Variants in ZDHHC3 observed in about 807,000 individuals in gnomAD.
The protein encoded by ZDHHC3 is palmitoyltransferase ZDHHC3.
In ZDHHC3, 9 loss-of-function variants were observed where a neutral mutation model predicts 30.6. The ratio of observed to expected loss-of-function variants is 0.29; its 90% confidence interval spans 0.18 to 0.51. ZDHHC3 has a LOEUF of 0.51. ZDHHC3 is among the 20% of genes least tolerant of loss of function. ZDHHC3 has a pLI of 0.97. For missense variants in ZDHHC3, 246 were observed against 384.2 expected (o/e 0.64, Z 3.01); for synonymous variants, 136 against 140.2 (o/e 0.97, Z 0.21).
Position 44,917,824 on chromosome 3 carries a change from C to T in ZDHHC3, c.*8865G>A. ...TGGGAGCGCACCATGCCCATAAGCC[C>T]CTTTAGCCAAAACCCCAGGATGAAG... On this transcript the variant is annotated 3_prime_UTR_variant, in exon 7 of 7. Coordinates refer to ENST00000424952, the MANE Select transcript of ZDHHC3 (RefSeq NM_001135179.2). 1 of 1,268,432 alleles carries T rather than the reference C, an allele frequency of 7.9e-7. No individual in the cohort carries two copies. Among genetic ancestry groups the T allele is most frequent in the Non-Finnish European group, 1.0e-6 (1 of 975,756 alleles). The allele number at this position is 1,268,432 out of a possible 1,614,324, so 78.6% of individuals were successfully genotyped here.
chr3:44,936,307 T>G (rs1412716478), intron 3 of ZDHHC3, among the ~76,000 whole-genome samples: 1 of 152,152 alleles, frequency 6.6e-6, no homozygotes, highest in Non-Finnish European at 1.5e-5. Context: ...CACAATGAGA[T>G]ACTATCTCAC....
intron 3 of ZDHHC3, chr3:44,937,854 G>C: frequency 2.1e-6 from 1 of 470,210 alleles, no homozygotes. Flanking sequence ...GAGGCTTACA[G>C]TGAAAGTGAC....
At chr3:44,934,071 C>T (rs1701731625) in intron 3 of ZDHHC3, 87 bp from the exon 4 acceptor site, 1 of 1,289,428 alleles carries the variant, frequency 7.8e-7, no homozygotes, top group African/African-American at 1.5e-5. Flanking sequence ...GGCTCCTGCT[C>T]CACTCCTCTG....
At chr3:44,975,053 C>T (rs992041747) in intron 1 of ZDHHC3, among the ~76,000 whole-genome samples, 1 of 132,138 alleles carries the variant, frequency 7.6e-6, no homozygotes, top group African/African-American at 2.8e-5. Context: ...TGATAAATAC[C>T]ATTTTTTTTT....
Position 44,918,973 on chromosome 3 carries a change from G to C in ZDHHC3, c.*7716C>G. The C allele has an allele frequency of 1.0e-6, 1 of 985,586 alleles. No individual in the cohort carries two copies. The highest frequency in any genetic ancestry group is 1.2e-6 in the Non-Finnish European group (1 of 830,044). The allele number at this position is 985,586 out of a possible 1,614,324, so 61.1% of individuals were successfully genotyped here. A position where few individuals can be genotyped will look rare whatever the true frequency, so the allele number is the denominator to read the frequency against. On this transcript the variant is annotated 3_prime_UTR_variant, in exon 7 of 7. Transcript: ENST00000424952. ...TTTCTCCATCTCTTCTGGAAGCCAA[G>C]GGAATTTGCTGTGGGTTTGCTGGGC...
intron 1 of ZDHHC3, among the ~76,000 whole-genome samples, 161 bp downstream of exon 1, chr3:44,975,772 T>TCACACACACACA (rs1185484134): frequency 3.4e-5 from 4 of 116,700 alleles, no homozygotes; most frequent in African/African-American, 6.7e-5. Flanking sequence ...TCTCTCTCTC[T>TCACACACACACA]CACACACACA....
In ZDHHC3 at chr3:44,926,344, C is replaced by T. The variant is rs562362892; in HGVS notation, c.*345G>A. 7.9e-6 allele frequency: 8 copies of T among 1,013,396 alleles called. No individual in the cohort carries two copies. In the East Asian group the frequency reaches 2.8e-4, roughly 36 times the overall value. The allele number at this position is 1,013,396 out of a possible 1,614,324, so 62.8% of individuals were successfully genotyped here. A position where few individuals can be genotyped will look rare whatever the true frequency, so the allele number is the denominator to read the frequency against. ...TCCAGACTATTCCATCCACGCACAG[C>T]GTCATGTCTCACTCAGTTAGTAGAA... is the stretch of plus-strand genomic sequence containing the variant. On this transcript the variant is annotated 3_prime_UTR_variant, in exon 7 of 7. Coordinates refer to ENST00000424952, the MANE Select transcript of ZDHHC3 (RefSeq NM_001135179.2).
intron 6 of ZDHHC3, 138 bp downstream of exon 6, chr3:44,929,168 A>G: frequency 8.5e-7 from 1 of 1,181,592 alleles, no homozygotes; most frequent in South Asian, 1.6e-5. Flanking sequence ...TGTAACTGCA[A>G]ACAAAGAACT....
chr3:44,955,771 G>A (rs946570665), intron 2 of ZDHHC3, among the ~76,000 whole-genome samples: 3 of 152,050 alleles, frequency 2.0e-5, no homozygotes, highest in African/African-American at 4.8e-5. Flanking sequence ...AGGAGCTCCC[G>A]CTTCTGCAGC....
intron 5 of ZDHHC3, 55 bp from the exon 6 acceptor site, chr3:44,929,491 A>C: frequency 6.2e-7 from 1 of 1,601,182 alleles, no homozygotes; most frequent in Non-Finnish European, 8.5e-7. Flanking sequence ...CCTGCTGCCC[A>C]GGCTCACTGC....
intron 3 of ZDHHC3, among the ~76,000 whole-genome samples, chr3:44,942,618 G>A (rs1702539770): frequency 1.3e-5 from 2 of 152,200 alleles, no homozygotes; most frequent in Non-Finnish European, 2.9e-5. Context: ...CCCTGTTCTG[G>A]TCCAGCCTTT....
chr3:44,932,563 G>A (rs1253145910), intron 5 of ZDHHC3, among the ~76,000 whole-genome samples: 1 of 152,058 alleles, frequency 6.6e-6, no homozygotes, highest in Non-Finnish European at 1.5e-5. Context: ...TTCTCCCTCA[G>A]TATTTGCACA....
chr3:44,923,506 T>C lies in ZDHHC3; in HGVS notation c.*3183A>G, dbSNP rs1272325755. On this transcript the variant is annotated 3_prime_UTR_variant, in exon 7 of 7. Transcript: ENST00000424952. ...AGCAAAAGCTAATACTTGGGGCTTT[T>C]TCAAGAAGTACAGGGCTGGGCCCAG... The C allele has an allele frequency of 1.0e-6, 1 of 985,306 alleles. No homozygotes were observed. The highest frequency in any genetic ancestry group is 6.1e-5 in the Admixed American group (1 of 16,266). The allele number at this position is 985,306 out of a possible 1,614,324, so 61.0% of individuals were successfully genotyped here. A position where few individuals can be genotyped will look rare whatever the true frequency, so the allele number is the denominator to read the frequency against.
rs532247288 is a variant in ZDHHC3 at position 44,928,572 on chromosome 3, A to C, written c.741+734T>G. The stretch of plus-strand genomic sequence containing the variant: ...AAGTGCCACCCCTTCTTCCTATGTA[A>C]ATCCCCAGAGAAATGCCCATATTGC... On this transcript the variant is annotated intron_variant, in intron 6 of 6. Coordinates refer to ENST00000424952, the MANE Select transcript of ZDHHC3 (RefSeq NM_001135179.2). 5.9e-5 allele frequency among the ~76,000 whole-genome samples: 9 copies of C among 152,218 alleles called. No individual in the cohort carries two copies. The South Asian group carries it at 1.9e-3, about 32-fold the overall frequency.
Position 44,976,086 on chromosome 3 carries a change from C to T in ZDHHC3, c.-178G>A, listed in dbSNP as rs1211341186. ...GGCGCCGCGGCTCTCTGGACTCGGCCAGACACCGGGCGGCGCGCAGGAGAA... is the reference window on the plus strand; with the variant it reads ...GGCGCCGCGGCTCTCTGGACTCGGCTAGACACCGGGCGGCGCGCAGGAGAA... On this transcript the variant is annotated 5_prime_UTR_variant, in exon 1 of 7. The change creates a premature stop within an existing upstream ORF in the 5' untranslated region. Coordinates refer to ENST00000424952, the MANE Select transcript of ZDHHC3 (RefSeq NM_001135179.2). 9.0e-6 allele frequency: 4 copies of T among 443,686 alleles called. No individual in the cohort carries two copies. Among genetic ancestry groups the T allele is most frequent in the Non-Finnish European group, 1.5e-5 (4 of 258,386 alleles). The allele number at this position is 443,686 out of a possible 1,614,324, so 27.5% of individuals were successfully genotyped here.
In ZDHHC3 at chr3:44,923,241, AATTT is replaced by A; in HGVS notation, c.*3444_*3447del. 1.2e-6 allele frequency: 1 copy of A among 850,322 alleles called. No individual in the cohort carries two copies. The highest frequency in any genetic ancestry group is 1.4e-6 in the Non-Finnish European group (1 of 707,248). 52.7% of individuals were successfully genotyped at this position (850,322 alleles called of 1,614,324 possible). On this transcript the variant is annotated 3_prime_UTR_variant, in exon 7 of 7. Transcript: ENST00000424952. ...CAGACGCCTGCCACCACGCCCAGCT[AATTT>A]TTTTATATTTTTAGTAGAGACAGGG... is the stretch of plus-strand genomic sequence containing the variant.
chr3:44,941,394 G>C (rs141139603), intron 3 of ZDHHC3, among the ~76,000 whole-genome samples: 1 of 152,252 alleles, frequency 6.6e-6, no homozygotes, highest in East Asian at 1.9e-4. Flanking sequence ...AGAAACTTAG[G>C]TTCTCCAATC....
At chr3:44,953,657 G>A (rs1256555156) in intron 2 of ZDHHC3, among the ~76,000 whole-genome samples, 1 of 152,116 alleles carries the variant, frequency 6.6e-6, no homozygotes, top group Admixed American at 6.5e-5. Flanking sequence ...CTGCATCACT[G>A]GCCATGTGTC....
At position 44,920,528 on chromosome 3, in the gene ZDHHC3, A is replaced by G; in HGVS notation, c.*6161T>C. Reference sequence around the variant, plus strand: ...GGGTATGAGTATTGATGATTGGCAGATGGGGAAGAAACAGAAGTTCCAAGA... The same window carrying G: ...GGGTATGAGTATTGATGATTGGCAGGTGGGGAAGAAACAGAAGTTCCAAGA... On this transcript the variant is annotated 3_prime_UTR_variant, in exon 7 of 7. Transcript: ENST00000424952. 2.0e-6 allele frequency: 2 copies of G among 985,354 alleles called. No individual in the cohort carries two copies. The highest frequency in any genetic ancestry group is 2.3e-4 in the East Asian group (2 of 8,804). 61.0% of individuals were successfully genotyped at this position (985,354 alleles called of 1,614,324 possible).
Sources: gnomAD v4.1 joint callset for allele counts (sites outside exome capture counted in the v4.1 genomes callset) on GRCh38, gnomAD v4.1.1 for gene constraint, MANE v1.5 for transcripts, NCBI Gene and HGNC (gene_info 2026-07-23, HGNC 2026-07-21) for gene names.